Variants in RETREG1 observed in about 807,000 individuals in gnomAD.
RETREG1 encodes the protein family with sequence similarity 134 member B.
Under a neutral mutation model 54.8 loss-of-function variants are expected in RETREG1, and 44 were observed. The observed-to-expected ratio is 0.80, with a 90% CI of 0.63 to 1.03. The LOEUF (loss-of-function observed/expected upper bound fraction) is 1.03, where lower values mean the gene tolerates loss of function less well. Among genes scored for constraint, RETREG1 ranks in the 50% least tolerant of loss-of-function variants. The pLI is 0.00. For synonymous variants in RETREG1, 217 were observed against 238.5 expected (o/e 0.91, Z 0.83); for missense variants, 554 against 605.1 (o/e 0.92, Z 0.89).
At chr5:16,537,279 T>A (rs932534597) in intron 3 of RETREG1, among the ~76,000 whole-genome samples, 1 of 152,184 alleles carries the variant, frequency 6.6e-6, no homozygotes, top group Admixed American at 6.5e-5. Context: ...GCCAGGTACC[T>A]GTTTAGAAAG....
chr5:16,539,033 C>G (rs1279980395), intron 3 of RETREG1, among the ~76,000 whole-genome samples: 1 of 152,232 alleles, frequency 6.6e-6, no homozygotes, highest in Non-Finnish European at 1.5e-5. Flanking sequence ...CTGTTAGACT[C>G]ACTCTGCATT....
intron 6 of RETREG1, 61 bp from the exon 7 acceptor site, chr5:16,478,159 A>G: frequency 9.5e-7 from 1 of 1,047,682 alleles, no homozygotes; most frequent in Non-Finnish European, 1.5e-6. Context: ...TAGTGCATTT[A>G]TTTCATTATG....
At chr5:16,548,492 A>G (rs958610744) in intron 3 of RETREG1, among the ~76,000 whole-genome samples, 3 of 152,248 alleles carry the variant, frequency 2.0e-5, no homozygotes, top group Admixed American at 2.0e-4. Context: ...CCACAGAAAC[A>G]TAAGCAAGAA....
chr5:16,546,024 GA>G (rs918041047), intron 3 of RETREG1, among the ~76,000 whole-genome samples: 1 of 152,194 alleles, frequency 6.6e-6, no homozygotes, highest in African/African-American at 2.4e-5. Context: ...TTCCATGAGA[GA>G]ATCCCGATTT....
Position 16,593,297 on chromosome 5 carries a change from G to C in RETREG1, c.321-21195C>G, listed in dbSNP as rs1742825167. Among the ~76,000 whole-genome samples, 1 of 152,054 alleles carries C rather than the reference G, an allele frequency of 6.6e-6. No homozygotes were observed. ...TGTATGCTGGTTTGCTTGGCCATTT[G>C]TTTCCCATCTGTCTGTCCTTCCCTA... is the stretch of plus-strand genomic sequence containing the variant. On this transcript the variant is annotated intron_variant, in intron 1 of 8. Transcript: ENST00000306320. This position sits in a 1 kb window ranked among gnomAD's most constrained non-coding sequence, Gnocchi z 4.9.
intron 1 of RETREG1, among the ~76,000 whole-genome samples, chr5:16,574,608 GGTCA>G (rs1742275179): frequency 6.6e-6 from 1 of 152,182 alleles, no homozygotes; most frequent in African/African-American, 2.4e-5. Context: ...AGGTGGACTA[GGTCA>G]GTGTTTCTTA....
chr5:16,501,917 C>G (rs576572898), intron 3 of RETREG1, among the ~76,000 whole-genome samples: 137 of 151,092 alleles, frequency 9.1e-4, no homozygotes, highest in African/African-American at 3.1e-3. Flanking sequence ...TTTCCACTAA[C>G]AACTGATAAA....
chr5:16,508,406 C>A (rs1447600216), intron 3 of RETREG1, among the ~76,000 whole-genome samples: 1 of 152,188 alleles, frequency 6.6e-6, no homozygotes, highest in Non-Finnish European at 1.5e-5. Context: ...TTATTTGCCT[C>A]TCTTGAGTGA....
chr5:16,480,418 T>C (rs1440015226), intron 5 of RETREG1, among the ~76,000 whole-genome samples: 1 of 152,156 alleles, frequency 6.6e-6, no homozygotes, highest in Non-Finnish European at 1.5e-5. Flanking sequence ...GGCTACTACA[T>C]ATAAATCTGT....
At chr5:16,489,754 A>C (rs944017366) in intron 3 of RETREG1, among the ~76,000 whole-genome samples, 1 of 152,230 alleles carries the variant, frequency 6.6e-6, no homozygotes, top group African/African-American at 2.4e-5. Flanking sequence ...CAAAGCCTAC[A>C]CACACTGGTG....
intron 3 of RETREG1, among the ~76,000 whole-genome samples, chr5:16,505,348 C>T (rs1039891612): frequency 6.6e-6 from 1 of 152,162 alleles, no homozygotes; most frequent in Non-Finnish European, 1.5e-5. Context: ...CTCTCCCACA[C>T]GACCATTTTA....
At chr5:16,576,144 TTC>T (rs1442596001) in intron 1 of RETREG1, among the ~76,000 whole-genome samples, 1 of 152,144 alleles carries the variant, frequency 6.6e-6, no homozygotes, top group Non-Finnish European at 1.5e-5. Context: ...GTTTCAACAA[TTC>T]TCCATTCATG....
At chr5:16,584,520 G>A (rs1015369006) in intron 1 of RETREG1, among the ~76,000 whole-genome samples, 1 of 152,056 alleles carries the variant, frequency 6.6e-6, no homozygotes, top group Non-Finnish European at 1.5e-5. Context: ...AAAGAAAAAA[G>A]GGTCTCGTAA....
chr5:16,553,774 T>TTA (rs573112054), intron 3 of RETREG1, among the ~76,000 whole-genome samples: 11 of 152,138 alleles, frequency 7.2e-5, no homozygotes, highest in East Asian at 1.9e-4. Flanking sequence ...GTTTTACAAC[T>TTA]TATATATATA....
intron 1 of RETREG1, among the ~76,000 whole-genome samples, chr5:16,573,658 C>A (rs1353068227): frequency 6.8e-6 from 1 of 147,218 alleles, no homozygotes; most frequent in Non-Finnish European, 1.5e-5. Flanking sequence ...CAAGGAGAGG[C>A]ACAGGGAGAG....
rs1249541707 is a variant in RETREG1, at chr5:16,480,071, G to C, written c.670+938C>G. ...AGAAGCCATCACCATAATCAAGATAGTGAACATGTCTACCAGTAGACATGA... is the reference window on the plus strand; with the variant it reads ...AGAAGCCATCACCATAATCAAGATACTGAACATGTCTACCAGTAGACATGA... On this transcript the variant is annotated intron_variant, in intron 5 of 8. Coordinates refer to ENST00000306320, the MANE Select transcript of RETREG1 (RefSeq NM_001034850.3). Among the ~76,000 whole-genome samples, 3 of 152,128 alleles carry C rather than the reference G, an allele frequency of 2.0e-5. No homozygotes were observed. The East Asian group carries it at 5.8e-4, about 29-fold the overall frequency.
At chr5:16,559,715 C>G (rs1741805303) in intron 3 of RETREG1, among the ~76,000 whole-genome samples, 1 of 152,142 alleles carries the variant, frequency 6.6e-6, no homozygotes, top group Non-Finnish European at 1.5e-5. Flanking sequence ...CTTGGAAAAA[C>G]CTGGCCAAAC....
chr5:16,490,170 T>C (rs1739189454), intron 3 of RETREG1, among the ~76,000 whole-genome samples: 2 of 152,064 alleles, frequency 1.3e-5, no homozygotes, highest in African/African-American at 4.8e-5. Context: ...TCTTGGGTCC[T>C]GTTGGGCCCA....
intron 3 of RETREG1, among the ~76,000 whole-genome samples, chr5:16,491,902 T>C (rs1447458437): frequency 6.6e-6 from 1 of 152,160 alleles, no homozygotes; most frequent in African/African-American, 2.4e-5. Flanking sequence ...AGATGCTTCA[T>C]ATATTCCAAG....
Sources: allele counts gnomAD v4.1 joint callset (sites outside exome capture counted in the v4.1 genomes callset), GRCh38; gene constraint gnomAD v4.1.1; non-coding constraint Gnocchi (gnomAD v3.1); transcripts MANE v1.5; gene names NCBI Gene and HGNC (gene_info 2026-07-23, HGNC 2026-07-21).